Variants in IFT74 observed in about 807,000 individuals in gnomAD.
The protein encoded by IFT74 is intraflagellar transport 74.
Under a neutral mutation model 96.7 loss-of-function variants are expected in IFT74, and 92 were observed. That is an observed-to-expected ratio of 0.95 (90% CI 0.80 to 1.13). IFT74 has a LOEUF of 1.13. Among genes scored for constraint, IFT74 ranks in the 50% most tolerant of loss-of-function variants. The pLI, the probability that IFT74 is intolerant of heterozygous loss-of-function variation, is 0.00. For missense variants in IFT74, 811 were observed against 698.2 expected, an observed-to-expected ratio of 1.16 and a Z score of -1.82; for synonymous variants, 223 against 213.2, an observed-to-expected ratio of 1.05 and a Z score of -0.40.
chr9:26,998,083 C>A (rs1379403146), intron 8 of IFT74: 1 of 1,613,482 alleles, frequency 6.2e-7, no homozygotes, highest in Admixed American at 1.7e-5. Context: ...TGTTCTCAAT[C>A]AAATAGAGCT....
intron 8 of IFT74, among the ~76,000 whole-genome samples, chr9:27,008,426 C>A (rs1189605376): frequency 6.6e-6 from 1 of 151,594 alleles, no homozygotes; most frequent in Non-Finnish European, 1.5e-5. Flanking sequence ...GGCGCGATCT[C>A]AGCCCACTGC....
chr9:27,055,829 A>G, intron 17 of IFT74, 57 bp downstream of exon 17: 1 of 1,117,154 alleles, frequency 9.0e-7, no homozygotes, highest in Non-Finnish European at 1.2e-6. Context: ...TTCTTGATCA[A>G]ATGTAATATA....
At chr9:26,971,148 C>G (rs1826859648) in intron 2 of IFT74, among the ~76,000 whole-genome samples, 1 of 152,310 alleles carries the variant, frequency 6.6e-6, no homozygotes, top group South Asian at 2.1e-4. Flanking sequence ...GAGATAGTCT[C>G]TACACAGTGA....
intron 4 of IFT74, 124 bp downstream of exon 4, chr9:26,980,743 C>A: frequency 1.7e-6 from 1 of 587,136 alleles, no homozygotes. Context: ...AATTAGGTAT[C>A]TATTGATTTC....
chr9:27,019,035 T>C (rs1563979372), intron 12 of IFT74, among the ~76,000 whole-genome samples: 1 of 152,116 alleles, frequency 6.6e-6, no homozygotes, highest in Non-Finnish European at 1.5e-5. Context: ...GCAAGTGGCA[T>C]GATATAGCTC....
At chr9:27,010,579 T>TC (rs1829016716) in intron 9 of IFT74, among the ~76,000 whole-genome samples, 1 of 150,066 alleles carries the variant, frequency 6.7e-6, no homozygotes, top group Admixed American at 6.7e-5. Flanking sequence ...AAGCTCCGCC[T>TC]CCCAGGTTCA....
intron 19 of IFT74, among the ~76,000 whole-genome samples, chr9:27,061,143 AG>A (rs35005568): frequency 2.0e-5 from 2 of 98,010 alleles, no homozygotes; most frequent in African/African-American, 8.9e-5. Flanking sequence ...AGTAGTTAAG[AG>A]GTGTGTGTGT....
chr9:26,998,989 G>A (rs969933425), intron 8 of IFT74, among the ~76,000 whole-genome samples: 7 of 152,114 alleles, frequency 4.6e-5, no homozygotes, highest in Admixed American at 1.3e-4. Flanking sequence ...GCGAGATTCC[G>A]TCTCAAAAGC....
intron 2 of IFT74, among the ~76,000 whole-genome samples, chr9:26,977,188 G>T (rs1489250193): frequency 6.6e-6 from 1 of 151,680 alleles, no homozygotes; most frequent in Non-Finnish European, 1.5e-5. Context: ...ATGTTCTCCA[G>T]GCTGGCCTCG....
chr9:27,028,967 T>C, intron 12 of IFT74, 58 bp from the exon 13 acceptor site: 2 of 1,432,298 alleles, frequency 1.4e-6, no homozygotes, highest in South Asian at 2.6e-5. Context: ...TCCCCATCAA[T>C]TGTTTTTATT....
At chr9:27,046,217 C>T (rs977033285) in intron 14 of IFT74, among the ~76,000 whole-genome samples, 1 of 152,232 alleles carries the variant, frequency 6.6e-6, no homozygotes, top group East Asian at 1.9e-4. Context: ...CACATAAGAC[C>T]TGTGTGAATG....
chr9:27,039,623 A>G (rs1431946335), intron 13 of IFT74, among the ~76,000 whole-genome samples: 3 of 152,234 alleles, frequency 2.0e-5, no homozygotes, highest in East Asian at 1.9e-4. Flanking sequence ...CTGAACATGT[A>G]CAGTCTTATT....
chr9:27,036,349 G>A, intron 13 of IFT74: 1 of 1,427,658 alleles, frequency 7.0e-7, no homozygotes, highest in Non-Finnish European at 9.3e-7. Flanking sequence ...GAAACCTAAT[G>A]CCAAAGTTAG....
intron 8 of IFT74, chr9:26,996,464 T>TACA (rs1828162746): frequency 2.0e-6 from 3 of 1,537,190 alleles, no homozygotes; most frequent in Non-Finnish European, 2.6e-6. Context: ...CTCTGCAGGC[T>TACA]GTTGGGGTAG....
At chr9:26,993,444 G>A (rs1381418165) in intron 8 of IFT74, 1 of 152,422 alleles carries the variant, frequency 6.6e-6, no homozygotes, top group Non-Finnish European at 1.5e-5. Flanking sequence ...GAAAACATGT[G>A]TCTGTAAACA....
rs146362189 is a variant in IFT74 at position 27,017,961 on chromosome 9, G to T, written c.934-686G>T. 2.1e-4 allele frequency among the ~76,000 whole-genome samples: 32 copies of T among 152,266 alleles called. No homozygotes were observed. In the East Asian group the frequency reaches 6.0e-3, roughly 29 times the overall value. On this transcript the variant is annotated intron_variant, in intron 11 of 19. Coordinates refer to ENST00000380062, the MANE Select transcript of IFT74 (RefSeq NM_025103.4). Reference sequence around the variant, plus strand: ...TGCCCTTAGACTTAGATCAAGCCCAGTGCATTTAGAAGAAATGTAGGTATC... The same window carrying T: ...TGCCCTTAGACTTAGATCAAGCCCATTGCATTTAGAAGAAATGTAGGTATC...
intron 1 of IFT74, among the ~76,000 whole-genome samples, chr9:26,948,448 A>ATTATTAT (rs1825819541): frequency 1.7e-5 from 1 of 59,162 alleles, no homozygotes; most frequent in Admixed American, 2.0e-4. Context: ...GCTTTCCATT[A>ATTATTAT]TTTTTTTTTT....
chr9:26,975,614 A>G (rs1297159637), intron 2 of IFT74, among the ~76,000 whole-genome samples: 1 of 152,096 alleles, frequency 6.6e-6, no homozygotes, highest in Non-Finnish European at 1.5e-5. Flanking sequence ...AACATTTCCC[A>G]TCTTGGAGGT....
At chr9:27,010,491 T>TG (rs1356149951) in intron 9 of IFT74, among the ~76,000 whole-genome samples, 2 of 146,082 alleles carry the variant, frequency 1.4e-5, no homozygotes, top group African/African-American at 5.2e-5. Context: ...TTTTGTTTTT[T>TG]TTTTTTTGTT....
Sources: allele counts gnomAD v4.1 joint callset (sites outside exome capture counted in the v4.1 genomes callset), GRCh38; gene constraint gnomAD v4.1.1; transcripts MANE v1.5; gene names NCBI Gene and HGNC (gene_info 2026-07-23, HGNC 2026-07-21).